The following COL4A4 variants were observed in gnomAD, a reference collection of about 807,000 sequenced individuals.
The protein encoded by COL4A4 is collagen alpha-4(IV) chain.
In COL4A4, 105 loss-of-function variants were observed where a neutral mutation model predicts 192.9. The ratio of observed to expected loss-of-function variants is 0.54; its 90% CI spans 0.46 to 0.64. The LOEUF (loss-of-function observed/expected upper bound fraction) is 0.64, where lower values mean the gene tolerates loss of function less well. Ranked by LOEUF, COL4A4 falls within the 30% of genes least tolerant of loss-of-function variation. COL4A4 has a pLI of 0.00. For synonymous variants in COL4A4, 762 were observed against 769.9 expected (o/e 0.99, Z 0.17); for missense variants, 1,967 against 2,169.3 (o/e 0.91, Z 1.85).
rs1034951717 is a variant in COL4A4 at position 227,094,288 on chromosome 2, G to A, written c.1206C>T (p.Gly402=). Residue 402 remains glycine, a splice_region_variant and synonymous_variant, in exon 20 of 48, where the codon GGC becomes GGT. Coordinates refer to ENST00000396625, the MANE Select transcript of COL4A4 (RefSeq NM_000092.5). The stretch of plus-strand genomic sequence containing the variant: ...CTTGTGGCCCAGGGGGTCCTATCAT[G>A]CCTGCAAGATAAATCAAGAATGAAA... ...LLGRPGEACA[G]MIGPPGPQGF... is the part of the protein sequence containing the mutation. 5.6e-6 allele frequency: 9 copies of A among 1,613,316 alleles called. No individual in the cohort carries two copies. Among genetic ancestry groups the A allele is most frequent in the Non-Finnish European group, 7.6e-6 (9 of 1,179,768 alleles).
intron 3 of COL4A4, among the ~76,000 whole-genome samples, chr2:227,143,685 C>T (rs2063366218): frequency 1.3e-5 from 2 of 152,104 alleles, no homozygotes; most frequent in African/African-American, 4.8e-5. Context: ...AGAAAAAATA[C>T]ACATGTATAT....
chr2:227,089,611 A>ATATATATATG (rs1491267361), intron 21 of COL4A4, among the ~76,000 whole-genome samples: 1 of 119,650 alleles, frequency 8.4e-6, no homozygotes, highest in African/African-American at 4.3e-5. Flanking sequence ...ATATATATAC[A>ATATATATATG]TACATATATA....
At chr2:227,105,096 C>T (rs1014679612) in intron 12 of COL4A4, among the ~76,000 whole-genome samples, 1 of 150,840 alleles carries the variant, frequency 6.6e-6, no homozygotes, top group Admixed American at 6.6e-5. Flanking sequence ...AAATATACAG[C>T]ATATTTTATT....
chr2:227,005,560 A>G lies in COL4A4; in HGVS notation c.*1765T>C, dbSNP rs1485058980. ...TTCTGCTACATCAAGAAAATATTTC[A>G]TCTTAAAATACACATTTTTCTTTTT... On this transcript the variant is annotated 3_prime_UTR_variant, in exon 48 of 48. Transcript: ENST00000396625. 6.6e-6 allele frequency: 1 copy of G among 152,258 alleles called. No homozygotes were observed. The highest frequency in any genetic ancestry group is 1.5e-5 in the Non-Finnish European group (1 of 68,050). The allele number at this position is 152,258 out of a possible 1,614,324, so 9.4% of individuals were successfully genotyped here. A position where few individuals can be genotyped will look rare whatever the true frequency, so the allele number is the denominator to read the frequency against.
At chr2:227,124,742 A>G (rs1456137812) in intron 4 of COL4A4, among the ~76,000 whole-genome samples, 2 of 152,238 alleles carry the variant, frequency 1.3e-5, no homozygotes, top group African/African-American at 4.8e-5. Context: ...AAAAACAAAC[A>G]ATGACTTCAG....
At chr2:227,074,050 G>C (rs572773720) in intron 25 of COL4A4, among the ~76,000 whole-genome samples, 7 of 151,442 alleles carry the variant, frequency 4.6e-5, no homozygotes, top group Non-Finnish European at 8.8e-5. Context: ...TACATAAATG[G>C]GACCCAGTTA....
intron 3 of COL4A4, among the ~76,000 whole-genome samples, chr2:227,141,175 C>A (rs1358341954): frequency 6.6e-6 from 1 of 152,092 alleles, no homozygotes; most frequent in African/African-American, 2.4e-5. Context: ...GTGCTAGGAC[C>A]CAAGGGCATG....
chr2:227,032,161 G>A lies in COL4A4; in HGVS notation c.3693C>T (p.Pro1231=). The A allele has an allele frequency of 6.2e-7, 1 of 1,614,154 alleles. No individual in the cohort carries two copies. The highest frequency in any genetic ancestry group is 8.5e-7 in the Non-Finnish European group (1 of 1,179,998). The change falls in exon 39 of 48, where the codon CCC becomes CCT. Residue 1231 remains proline (P), a synonymous_variant. Coordinates refer to ENST00000396625, the MANE Select transcript of COL4A4 (RefSeq NM_000092.5). ...SPPGPRGKKG[P]PGPPGSSGPP... is the part of the protein sequence containing the mutation. The stretch of plus-strand genomic sequence containing the variant: ...GCTACAGCTTACCTGGGGGTCCTGG[G>A]GGACCTTTCTTTCCACGAGGACCTG...
At chr2:227,022,491 C>T (rs1207688273) in intron 43 of COL4A4, 2 of 578,714 alleles carry the variant, frequency 3.5e-6, no homozygotes, top group Non-Finnish European at 6.9e-6. Flanking sequence ...ATGACCCTCA[C>T]AGGATTGCCC....
At chr2:227,104,148 T>C (rs1228360760) in intron 12 of COL4A4, 96 bp from the exon 13 acceptor site, 1 of 962,916 alleles carries the variant, frequency 1.0e-6, no homozygotes, top group Non-Finnish European at 1.7e-6. Flanking sequence ...CAATCCTATG[T>C]GTCATGGATT....
chr2:227,054,378 A>G (rs1974848290), intron 31 of COL4A4, among the ~76,000 whole-genome samples: 1 of 152,230 alleles, frequency 6.6e-6, no homozygotes, highest in South Asian at 2.1e-4. Flanking sequence ...ATTCTTTTTC[A>G]ATTAATAGAG....
rs1172899949 is a variant in COL4A4, at chr2:227,004,647, C to T, written c.*2678G>A. 1 of 152,182 alleles carries T rather than the reference C, an allele frequency of 6.6e-6. No homozygotes were observed. Among genetic ancestry groups the T allele is most frequent in the Non-Finnish European group, 1.5e-5 (1 of 68,078 alleles). 9.4% of individuals were successfully genotyped at this position (152,182 alleles called of 1,614,324 possible). On this transcript the variant is annotated 3_prime_UTR_variant, in exon 48 of 48. Coordinates refer to ENST00000396625, the MANE Select transcript of COL4A4 (RefSeq NM_000092.5). ...GGCACGGGGCTAAAGAGGAGGTAGC[C>T]ATCCAAAGCAGCGATGACTCAGCTT...
At chr2:227,086,908 G>A (rs2059631307) in intron 22 of COL4A4, among the ~76,000 whole-genome samples, 1 of 152,218 alleles carries the variant, frequency 6.6e-6, no homozygotes, top group African/African-American at 2.4e-5. Context: ...GAGGTGGCCA[G>A]TGGGCTTTGT....
chr2:227,106,624 G>C (rs1256930296), intron 12 of COL4A4, among the ~76,000 whole-genome samples: 1 of 152,192 alleles, frequency 6.6e-6, no homozygotes, highest in Non-Finnish European at 1.5e-5. Context: ...GGAGTGAAAT[G>C]GCACAATCTT....
intron 29 of COL4A4, among the ~76,000 whole-genome samples, chr2:227,056,483 C>T (rs752808505): frequency 5.9e-5 from 9 of 152,030 alleles, no homozygotes; most frequent in Non-Finnish European, 1.0e-4. Flanking sequence ...AAGTCAGAGC[C>T]GGTGTCTAAC....
At position 227,079,288 on chromosome 2, in the gene COL4A4, T is replaced by C. The variant is rs534612426; in HGVS notation, c.1803+1155A>G. 1.2e-3 allele frequency among the ~76,000 whole-genome samples: 187 copies of C among 152,348 alleles called. 1 individual carries two copies. Among genetic ancestry groups the C allele is most frequent in the Non-Finnish European group, 1.7e-3 (116 of 68,032 alleles). ...GAATCTAGGAAGACCTCAGCGAACG[T>C]TGAAATTCGTCTCCTAGTTTGATCT... On this transcript the variant is annotated intron_variant, in intron 24 of 47. Transcript: ENST00000396625.
chr2:227,041,912 A>G (rs1470615190), intron 37 of COL4A4, among the ~76,000 whole-genome samples: 1 of 151,390 alleles, frequency 6.6e-6, no homozygotes, highest in Non-Finnish European at 1.5e-5. Flanking sequence ...GAAAGAAAGA[A>G]AGAAAGAAAG....
chr2:226,997,378 G>T, the COL4A4 span: 1 of 152,138 alleles, frequency 6.6e-6, no homozygotes, highest in South Asian at 2.1e-4. Flanking sequence ...TGGTAATTCT[G>T]CTATAACACA....
At position 227,019,548 on chromosome 2, in the gene COL4A4, G is replaced by T. The variant is rs900924129; in HGVS notation, c.4216+2500C>A. On this transcript the variant is annotated intron_variant, in intron 44 of 47. Coordinates refer to ENST00000396625, the MANE Select transcript of COL4A4 (RefSeq NM_000092.5). ...CTGGCTCCTCAAAGCCCAACCTTTC[G>T]TTAAGGCTCTAGTCAAATACCAGCT... Among the ~76,000 whole-genome samples, 5 of 152,144 alleles carry T rather than the reference G, an allele frequency of 3.3e-5. No individual in the cohort carries two copies. In the South Asian group the frequency reaches 1.0e-3, roughly 31 times the overall value.
Sources: allele counts gnomAD v4.1 joint callset (sites outside exome capture counted in the v4.1 genomes callset), GRCh38; gene constraint gnomAD v4.1.1; transcripts MANE v1.5; gene names NCBI Gene and HGNC (gene_info 2026-07-23, HGNC 2026-07-21).